Variants in ISL1 observed in about 807,000 individuals in gnomAD.
ISL1 encodes ISL LIM homeobox 1.
A neutral mutation model predicts 35.3 loss-of-function variants in ISL1; 4 were observed. The observed-to-expected ratio is 0.11, with a 90% CI of 0.06 to 0.26. The LOEUF (loss-of-function observed/expected upper bound fraction) is 0.26. Among genes scored for constraint, ISL1 ranks in the 10% least tolerant of loss-of-function variants. The probability of loss-of-function intolerance (pLI) is 1.00; values close to 1 mark genes in which losing one functional copy is unlikely to be tolerated. For missense variants in ISL1, 340 were observed against 472.8 expected (o/e 0.72, Z 2.60); for synonymous variants, 186 against 172.3 (o/e 1.08, Z -0.62).
intron 4 of ISL1, 96 bp from the exon 5 acceptor site, chr5:51,391,178 A>G (rs1747504798): frequency 1.7e-6 from 2 of 1,205,298 alleles, no homozygotes; most frequent in South Asian, 1.4e-5. Flanking sequence ...TATAGATAAG[A>G]TAATACCAGG....
intron 5 of ISL1, among the ~76,000 whole-genome samples, chr5:51,392,553 T>C (rs1178990169): frequency 6.6e-6 from 1 of 152,178 alleles, no homozygotes; most frequent in Non-Finnish European, 1.5e-5. Flanking sequence ...GTGCAGAGGC[T>C]AGAAGTCCCT....
In ISL1 at chr5:51,393,043, C is replaced by T. The variant is rs1026312088; in HGVS notation, c.934-451C>T. On this transcript the variant is annotated intron_variant, in intron 5 of 5. Coordinates refer to ENST00000230658, the MANE Select transcript of ISL1 (RefSeq NM_002202.3). ...AGTTAATCTTTGTTCTGTGGAGCCT[C>T]CTCTCAATCTCCTGTCAAAGGATCT... 6.6e-5 allele frequency among the ~76,000 whole-genome samples: 10 copies of T among 152,260 alleles called. No individual in the cohort carries two copies. In the South Asian group the frequency reaches 1.2e-3, roughly 19 times the overall value.
chr5:51,389,577 G>C lies in ISL1; in HGVS notation c.479-69G>C, dbSNP rs1747434572. Reference sequence around the variant, plus strand: ...GGCGGGCAAGCGAGCGAGCGAGCGAGCGCGCGACCGCGGGCGGGCCGGCAA... The same window carrying C: ...GGCGGGCAAGCGAGCGAGCGAGCGACCGCGCGACCGCGGGCGGGCCGGCAA... On this transcript the variant is annotated intron_variant, in intron 3 of 5. Coordinates refer to ENST00000230658, the MANE Select transcript of ISL1 (RefSeq NM_002202.3). The surrounding 1 kb of genome is among the most constrained non-coding windows in gnomAD (Gnocchi z 5.0). The C allele has an allele frequency of 1.5e-6, 2 of 1,349,828 alleles. No homozygotes were observed. Among genetic ancestry groups the C allele is most frequent in the Non-Finnish European group, 1.9e-6 (2 of 1,049,940 alleles). The allele number at this position is 1,349,828 out of a possible 1,614,324, so 83.6% of individuals were successfully genotyped here. A position where few individuals can be genotyped will look rare whatever the true frequency, so the allele number is the denominator to read the frequency against.
Position 51,387,845 on chromosome 5 carries a change from A to G in ISL1, c.478+96A>G. The G allele has an allele frequency of 5.4e-6, 8 of 1,487,138 alleles. No individual in the cohort carries two copies. Among genetic ancestry groups the G allele is most frequent in the Non-Finnish European group, 7.4e-6 (8 of 1,088,172 alleles). 92.1% of individuals were successfully genotyped at this position (1,487,138 alleles called of 1,614,324 possible). A position where few individuals can be genotyped will look rare whatever the true frequency, so the allele number is the denominator to read the frequency against. On this transcript the variant is annotated intron_variant, in intron 3 of 5. Transcript: ENST00000230658. This position sits in a 1 kb window ranked among gnomAD's most constrained non-coding sequence, Gnocchi z 4.3. The stretch of plus-strand genomic sequence containing the variant: ...CTATGGTAGCTACAGGGGTGGTCGT[A>G]GTGTTTGCCTGCAGTTAAATGAAGT...
At chr5:51,386,703 G>A (rs1747350364) in intron 2 of ISL1, 1 of 445,068 alleles carries the variant, frequency 2.2e-6, no homozygotes, top group Non-Finnish European at 4.5e-6. Context: ...TGGTTTTCAA[G>A]AAAATTGAAA....
At position 51,387,383 on chromosome 5, in the gene ISL1, T is replaced by C; in HGVS notation, c.219-107T>C. ...TTGGAAATGCTGTTTACTTGGGGCG[T>C]CTTGCCCGGGATCTTGGGCCAGGGA... On this transcript the variant is annotated intron_variant, in intron 2 of 5. Coordinates refer to ENST00000230658, the MANE Select transcript of ISL1 (RefSeq NM_002202.3). This position sits in a 1 kb window ranked among gnomAD's most constrained non-coding sequence, Gnocchi z 4.3. The C allele has an allele frequency of 8.0e-7, 1 of 1,254,518 alleles. No homozygotes were observed. Among genetic ancestry groups the C allele is most frequent in the Non-Finnish European group, 1.1e-6 (1 of 876,158 alleles). The allele number at this position is 1,254,518 out of a possible 1,614,324, so 77.7% of individuals were successfully genotyped here. A position where few individuals can be genotyped will look rare whatever the true frequency, so the allele number is the denominator to read the frequency against.
At position 51,383,589 on chromosome 5, in the gene ISL1, C is replaced by A; in HGVS notation, c.-83C>A. 1 of 1,194,076 alleles carries A rather than the reference C, an allele frequency of 8.4e-7. No homozygotes were observed. Among genetic ancestry groups the A allele is most frequent in the African/African-American group, 1.5e-5 (1 of 66,874 alleles). 74.0% of individuals were successfully genotyped at this position (1,194,076 alleles called of 1,614,324 possible). On this transcript the variant is annotated 5_prime_UTR_variant, in exon 1 of 6. Transcript: ENST00000230658. ...CAGGGGCCAATATTTCCCACTTAGC[C>A]ACAGCTCCAGCATCCTCTCTGTGGG...
chr5:51,384,427 G>GA (rs1406781535), intron 1 of ISL1, 114 bp from the exon 2 acceptor site: 7 of 786,390 alleles, frequency 8.9e-6, no homozygotes, highest in Non-Finnish European at 1.4e-5. Context: ...AAGAAAGAAA[G>GA]AAAGAAAGAA....
In ISL1 at chr5:51,389,593, G is replaced by C; in HGVS notation, c.479-53G>C. 2 of 1,425,868 alleles carry C rather than the reference G, an allele frequency of 1.4e-6. No individual in the cohort carries two copies. The highest frequency in any genetic ancestry group is 2.8e-5 in the East Asian group (1 of 35,578). 88.3% of individuals were successfully genotyped at this position (1,425,868 alleles called of 1,614,324 possible). A position where few individuals can be genotyped will look rare whatever the true frequency, so the allele number is the denominator to read the frequency against. The stretch of plus-strand genomic sequence containing the variant: ...AGCGAGCGAGCGCGCGACCGCGGGC[G>C]GGCCGGCAAGCGAGCCTCCAGCCCA... On this transcript the variant is annotated intron_variant, in intron 3 of 5. Coordinates refer to ENST00000230658, the MANE Select transcript of ISL1 (RefSeq NM_002202.3). The surrounding 1 kb of genome is among the most constrained non-coding windows in gnomAD (Gnocchi z 5.0).
intron 1 of ISL1, 23 bp from the exon 2 acceptor site, chr5:51,384,518 T>C: frequency 6.2e-7 from 1 of 1,609,048 alleles, no homozygotes; most frequent in Non-Finnish European, 8.5e-7. Flanking sequence ...GGTTAGTCAA[T>C]CATGTATTTA....
chr5:51,387,778 G>A lies in ISL1; in HGVS notation c.478+29G>A. 6.2e-7 allele frequency: 1 copy of A among 1,612,178 alleles called. No homozygotes were observed. The highest frequency in any genetic ancestry group is 8.5e-7 in the Non-Finnish European group (1 of 1,179,588). ...CTCCTCTGCCCGGCTCGGGTAGGCA[G>A]GCGCCAGGTTAAGCCAGCCTGTGTG... On this transcript the variant is annotated intron_variant, in intron 3 of 5. Transcript: ENST00000230658. This position sits in a 1 kb window ranked among gnomAD's most constrained non-coding sequence, Gnocchi z 4.3.
chr5:51,386,266 GA>G, intron 2 of ISL1: 1 of 181,584 alleles, frequency 5.5e-6, no homozygotes. Context: ...TACTGCTATG[GA>G]AATAGTATTT....
chr5:51,390,632 CTTTCTTTTTCTTTT>C (rs1561208264), intron 4 of ISL1, among the ~76,000 whole-genome samples: 1 of 19,860 alleles, frequency 5.0e-5, no homozygotes, highest in Non-Finnish European at 9.7e-5. Flanking sequence ...TTTTTCTTTT[CTTTCTTTTTCTTTT>C]TTTTTTTTTT....
chr5:51,385,333 T>A (rs1001058084), intron 2 of ISL1, among the ~76,000 whole-genome samples: 8 of 152,348 alleles, frequency 5.3e-5, no homozygotes, highest in Non-Finnish European at 7.3e-5. Flanking sequence ...ACTTAATCTT[T>A]TTAAATATTA....
intron 2 of ISL1, chr5:51,386,142 A>G (rs1014189881): frequency 6.5e-6 from 1 of 152,866 alleles, no homozygotes; most frequent in African/African-American, 2.4e-5. Context: ...CGGAGGGAGG[A>G]AAAACTTTTG....
intron 1 of ISL1, among the ~76,000 whole-genome samples, chr5:51,384,304 A>G (rs1362687568): frequency 2.0e-5 from 3 of 151,706 alleles, no homozygotes; most frequent in Admixed American, 6.6e-5. Context: ...ACAAATGTAG[A>G]CTATTCCAAT....
chr5:51,391,808 T>G (rs1195207359), intron 5 of ISL1, among the ~76,000 whole-genome samples: 1 of 152,096 alleles, frequency 6.6e-6, no homozygotes, highest in Non-Finnish European at 1.5e-5. Flanking sequence ...GAAATCGTCT[T>G]GGCATTTCAA....
At chr5:51,388,830 G>A (rs1747415724) in intron 3 of ISL1, among the ~76,000 whole-genome samples, 1 of 152,134 alleles carries the variant, frequency 6.6e-6, no homozygotes, top group African/African-American at 2.4e-5. Context: ...TGCTTGTGGG[G>A]AAGCACAGAG....
rs1225948333 is a variant in ISL1, at chr5:51,387,524, G to C, written c.253G>C (p.Gly85Arg). 6.2e-7 allele frequency: 1 copy of C among 1,614,160 alleles called. No homozygotes were observed. The highest frequency in any genetic ancestry group is 8.5e-7 in the Non-Finnish European group (1 of 1,180,022). ...YGIKCAKCSI[G>R]FSKNDFVMRA... ...GATCAAATGCGCCAAGTGCAGCATC[G>C]GCTTCAGCAAGAACGACTTCGTGAT... The change falls in exon 3 of 6, where the codon GGC becomes CGC. Residue 85 changes from glycine (G) to arginine (R), a missense_variant. Physicochemically the swap from Gly to Arg is moderately radical, Grantham distance 125. Transcript: ENST00000230658. The surrounding 1 kb of genome is among the most constrained non-coding windows in gnomAD (Gnocchi z 4.3).
Sources: gnomAD v4.1 joint callset for allele counts (sites outside exome capture counted in the v4.1 genomes callset) on GRCh38, gnomAD v4.1.1 for gene constraint, Gnocchi (gnomAD v3.1) non-coding constraint, MANE v1.5 for transcripts, NCBI Gene and HGNC (gene_info 2026-07-23, HGNC 2026-07-21) for gene names.